Variants in FOXN2 observed in about 807,000 individuals in gnomAD.
The protein encoded by FOXN2 is forkhead box protein N2.
A neutral mutation model predicts 41.2 loss-of-function variants in FOXN2; 19 were observed. That is an observed-to-expected ratio of 0.46 (90% CI 0.32 to 0.68). The LOEUF (loss-of-function observed/expected upper bound fraction) is 0.68. FOXN2 is among the 30% of genes least tolerant of loss of function. The pLI is 0.03. For missense variants in FOXN2, 587 were observed against 509.4 expected, an observed-to-expected ratio of 1.15 and a Z score of -1.47; for synonymous variants, 195 against 176.8, an observed-to-expected ratio of 1.10 and a Z score of -0.82.
chr2:48,349,814 A>G, intron 3 of FOXN2, among the ~76,000 whole-genome samples: 1 of 152,252 alleles, frequency 6.6e-6, no homozygotes, highest in East Asian at 1.9e-4. Flanking sequence ...GTGAGATGTA[A>G]CATATGAACT....
chr2:48,367,155 T>C (rs1167535092), intron 5 of FOXN2, among the ~76,000 whole-genome samples: 1 of 152,194 alleles, frequency 6.6e-6, no homozygotes, highest in Non-Finnish European at 1.5e-5. Context: ...CATTGTATAA[T>C]AGATAGCAGG....
In FOXN2 at chr2:48,379,195, T is replaced by C. The variant is rs1397322695; in HGVS notation, c.*3752T>C. ...CTTACAAATACTTAGTTTTTGTATC[T>C]AATCTCTGATTATTAAAATGTTTAT... On this transcript the variant is annotated 3_prime_UTR_variant, in exon 7 of 7. Coordinates refer to ENST00000340553, the MANE Select transcript of FOXN2 (RefSeq NM_002158.4). 6.6e-6 allele frequency: 1 copy of C among 152,660 alleles called. No homozygotes were observed. The highest frequency in any genetic ancestry group is 1.9e-4 in the East Asian group (1 of 5,202). The allele number at this position is 152,660 out of a possible 1,614,324, so 9.5% of individuals were successfully genotyped here. A position where few individuals can be genotyped will look rare whatever the true frequency, so the allele number is the denominator to read the frequency against.
chr2:48,340,049 A>G (rs1670640394), intron 2 of FOXN2, among the ~76,000 whole-genome samples: 2 of 152,242 alleles, frequency 1.3e-5, no homozygotes, highest in Admixed American at 1.3e-4. Context: ...TGGAAGGCTA[A>G]GTAATGTTTA....
At chr2:48,323,097 T>G (rs570864291) in intron 1 of FOXN2, among the ~76,000 whole-genome samples, 19 of 151,958 alleles carry the variant, frequency 1.3e-4, no homozygotes, top group African/African-American at 3.9e-4. Flanking sequence ...AGTGTAGGGA[T>G]TGGATGAGGT....
In FOXN2 at chr2:48,375,685, T is replaced by C. The variant is rs1180773622; in HGVS notation, c.*242T>C. On this transcript the variant is annotated 3_prime_UTR_variant, in exon 7 of 7. Coordinates refer to ENST00000340553, the MANE Select transcript of FOXN2 (RefSeq NM_002158.4). ...TTTTTGTGATAAATGTGTCCAAGAT[T>C]TGAAAATTTTTATATAAGAAAATCC... 6 of 346,694 alleles carry C rather than the reference T, an allele frequency of 1.7e-5. No homozygotes were observed. The highest frequency in any genetic ancestry group is 3.1e-5 in the Non-Finnish European group (6 of 191,254). The allele number at this position is 346,694 out of a possible 1,614,324, so 21.5% of individuals were successfully genotyped here. A position where few individuals can be genotyped will look rare whatever the true frequency, so the allele number is the denominator to read the frequency against.
chr2:48,354,612 A>G (rs1165396414), intron 3 of FOXN2, among the ~76,000 whole-genome samples: 1 of 152,276 alleles, frequency 6.6e-6, no homozygotes, highest in Admixed American at 6.5e-5. Flanking sequence ...AACAAAAAAA[A>G]GTGCTGTGCT....
chr2:48,358,666 A>C (rs531655160), intron 3 of FOXN2, among the ~76,000 whole-genome samples: 12 of 152,248 alleles, frequency 7.9e-5, no homozygotes, highest in Admixed American at 5.9e-4. Context: ...AGCTTATATC[A>C]TAGAAGATTT....
chr2:48,327,561 T>G (rs1394308572), intron 1 of FOXN2, among the ~76,000 whole-genome samples: 1 of 152,158 alleles, frequency 6.6e-6, no homozygotes, highest in African/African-American at 2.4e-5. Context: ...TTCTCCTGCC[T>G]CAGCCTCCCA....
At chr2:48,324,568 G>A (rs1379113116) in intron 1 of FOXN2, among the ~76,000 whole-genome samples, 1 of 151,920 alleles carries the variant, frequency 6.6e-6, no homozygotes, top group East Asian at 1.9e-4. Flanking sequence ...AACAAAACTT[G>A]ATGTGGTATG....
At position 48,346,436 on chromosome 2, in the gene FOXN2, C is replaced by G. The variant is rs201231983; in HGVS notation, c.222C>G (p.Leu74=). The stretch of plus-strand genomic sequence containing the variant: ...CTAATCTTCTAACAAACTTCAGCCT[C>G]GGAAGTGAGGGTCTTCCAATTGTTA... The part of the protein sequence containing the change: ...ESTNLLTNFS[L]GSEGLPIVSP... Residue 74 remains leucine (L), a synonymous_variant, in exon 3 of 7, where the codon CTC becomes CTG. Transcript: ENST00000340553. The G allele has an allele frequency of 1.2e-5, 20 of 1,614,018 alleles. No individual in the cohort carries two copies. The highest frequency in any genetic ancestry group is 1.7e-5 in the Non-Finnish European group (20 of 1,180,024).
intron 5 of FOXN2, among the ~76,000 whole-genome samples, chr2:48,371,644 G>C (rs1417842236): frequency 6.6e-6 from 1 of 152,058 alleles, no homozygotes; most frequent in African/African-American, 2.4e-5. Context: ...TTCCGTGAAG[G>C]ATATCATTGG....
At chr2:48,361,026 A>AT (rs1672139519) in intron 4 of FOXN2, among the ~76,000 whole-genome samples, 1 of 151,936 alleles carries the variant, frequency 6.6e-6, no homozygotes, top group African/African-American at 2.4e-5. Context: ...AAAAAAAAAA[A>AT]AGATTATATG....
intron 6 of FOXN2, among the ~76,000 whole-genome samples, chr2:48,374,484 T>C (rs1402212263): frequency 1.3e-5 from 2 of 152,242 alleles, no homozygotes; most frequent in Admixed American, 6.5e-5. Flanking sequence ...ATACCAATTA[T>C]AATTTTAAAT....
At position 48,357,862 on chromosome 2, in the gene FOXN2, G is replaced by GAA. The variant is rs200738115; in HGVS notation, c.538-1167_538-1166dup. On this transcript the variant is annotated intron_variant, in intron 3 of 6. Coordinates refer to ENST00000340553, the MANE Select transcript of FOXN2 (RefSeq NM_002158.4). ...ACATTTGTAAAACTTGTCTTTTATT[G>GAA]AAAAAAAAAAAAAAAAAAAGAAAAT... 1.8e-4 allele frequency among the ~76,000 whole-genome samples: 20 copies of GAA among 113,724 alleles called. No individual in the cohort carries two copies. The South Asian group carries it at 3.3e-3, about 19-fold the overall frequency. 74.6% of individuals were successfully genotyped at this position (113,724 alleles called of 152,430 possible).
chr2:48,356,940 G>A (rs935458426), intron 3 of FOXN2, among the ~76,000 whole-genome samples: 2 of 152,126 alleles, frequency 1.3e-5, no homozygotes, highest in African/African-American at 4.8e-5. Context: ...TAGCACAGAA[G>A]GCTATTTTGT....
Position 48,362,677 on chromosome 2 carries a change from A to C in FOXN2, c.673A>C (p.Ile225Leu). The change falls in exon 5 of 7, where the codon ATC becomes CTC. Residue 225 changes from isoleucine (I) to leucine (L), a missense_variant. Coordinates refer to ENST00000340553, the MANE Select transcript of FOXN2 (RefSeq NM_002158.4). Reference protein sequence around the residue: ...SLSPHYLSSVIKQNQVRNLKE... With the variant: ...SLSPHYLSSVLKQNQVRNLKE... ...ATCACCTCACTATTTAAGCTCTGTAATCAAGCAGAACCAGGTGCGAAACCT... is the reference window on the plus strand; with the variant it reads ...ATCACCTCACTATTTAAGCTCTGTACTCAAGCAGAACCAGGTGCGAAACCT... 1.2e-6 allele frequency: 2 copies of C among 1,614,050 alleles called. No homozygotes were observed. Among genetic ancestry groups the C allele is most frequent in the Non-Finnish European group, 1.7e-6 (2 of 1,179,980 alleles).
chr2:48,317,594 G>A (rs975924686), intron 1 of FOXN2, among the ~76,000 whole-genome samples: 1 of 49,556 alleles, frequency 2.0e-5, no homozygotes, highest in Non-Finnish European at 4.4e-5. Flanking sequence ...CTATAGTATT[G>A]CTTTTTTTTT....
intron 1 of FOXN2, among the ~76,000 whole-genome samples, 184 bp from the exon 2 acceptor site, chr2:48,328,377 A>T (rs1280043224): frequency 6.6e-6 from 1 of 152,214 alleles, no homozygotes; most frequent in African/African-American, 2.4e-5. Flanking sequence ...TAACCTACCC[A>T]CTTCCTTCCA....
intron 1 of FOXN2, among the ~76,000 whole-genome samples, chr2:48,327,700 C>T (rs1669771215): frequency 6.6e-6 from 1 of 152,154 alleles, no homozygotes; most frequent in Non-Finnish European, 1.5e-5. Context: ...CTGCCTTGGC[C>T]TCCCAAAGTG....
Sources: gnomAD v4.1 joint callset for allele counts (sites outside exome capture counted in the v4.1 genomes callset) on GRCh38, gnomAD v4.1.1 for gene constraint, MANE v1.5 for transcripts, NCBI Gene and HGNC (gene_info 2026-07-23, HGNC 2026-07-21) for gene names.